The following AFP variants were observed in gnomAD, a reference collection of about 807,000 sequenced individuals.
The protein encoded by AFP is alpha-fetoprotein.
A neutral mutation model predicts 78.9 loss-of-function variants in AFP; 64 were observed. That is an observed-to-expected ratio of 0.81 (90% CI 0.66 to 1.00). The LOEUF (loss-of-function observed/expected upper bound fraction) is 1.00, where lower values mean the gene tolerates loss of function less well. Ranked by LOEUF, AFP falls within the 50% of genes least tolerant of loss-of-function variation. The pLI is 0.00. For missense variants in AFP, 689 were observed against 703.8 expected (o/e 0.98, Z 0.24); for synonymous variants, 254 against 243.8 (o/e 1.04, Z -0.39).
chr4:73,454,813 T>C (rs138620798), intron 13 of AFP, among the ~76,000 whole-genome samples: 3 of 152,098 alleles, frequency 2.0e-5, no homozygotes, highest in African/African-American at 7.2e-5. Context: ...ATAACCAAAT[T>C]AGATAAAACT....
chr4:73,446,770 A>C (rs963605010), intron 7 of AFP, among the ~76,000 whole-genome samples: 1 of 152,254 alleles, frequency 6.6e-6, no homozygotes, highest in African/African-American at 2.4e-5. Flanking sequence ...ATAGAAATAC[A>C]TATAGCAACA....
At chr4:73,455,208 T>C in intron 13 of AFP, 28 bp from the exon 14 acceptor site, 1 of 1,564,520 alleles carries the variant, frequency 6.4e-7, no homozygotes, top group South Asian at 1.1e-5. Context: ...CATTTCTTTA[T>C]CTGATTATGT....
chr4:73,455,412 A>G, intron 14 of AFP, 122 bp downstream of exon 14: 1 of 879,214 alleles, frequency 1.1e-6, no homozygotes, highest in South Asian at 1.5e-5. Flanking sequence ...TTCAAAAAAA[A>G]GTTTATTTTA....
intron 7 of AFP, 30 bp downstream of exon 7, chr4:73,445,152 A>G (rs746897337): frequency 1.2e-6 from 2 of 1,612,156 alleles, no homozygotes; most frequent in Admixed American, 3.3e-5. Context: ...AAAATAGAAG[A>G]TTTTCACTCC....
At chr4:73,445,765 G>A (rs1051741760) in intron 7 of AFP, among the ~76,000 whole-genome samples, 2 of 152,148 alleles carry the variant, frequency 1.3e-5, no homozygotes, top group African/African-American at 2.4e-5. Flanking sequence ...AAGTGGTCTC[G>A]GAGAATTAGA....
Position 73,455,822 on chromosome 4 carries a change from C to A in AFP, c.*202C>A. 1.7e-6 allele frequency: 1 copy of A among 599,498 alleles called. No individual in the cohort carries two copies. Among genetic ancestry groups the A allele is most frequent in the Non-Finnish European group, 2.9e-6 (1 of 342,320 alleles). The allele number at this position is 599,498 out of a possible 1,614,324, so 37.1% of individuals were successfully genotyped here. A position where few individuals can be genotyped will look rare whatever the true frequency, so the allele number is the denominator to read the frequency against. The stretch of plus-strand genomic sequence containing the variant: ...ATTTATGAAAAGTTATCGATAATTT[C>A]TTTAGTTTTGTATACCATTGTCTGA... On this transcript the variant is annotated 3_prime_UTR_variant, in exon 15 of 15. Coordinates refer to ENST00000395792, the MANE Select transcript of AFP (RefSeq NM_001134.3).
At chr4:73,449,193 TTCAAA>T in intron 8 of AFP, 137 bp from the exon 9 acceptor site, 1 of 790,398 alleles carries the variant, frequency 1.3e-6, no homozygotes, top group Non-Finnish European at 2.0e-6. Flanking sequence ...ATTCATATAA[TTCAAA>T]TCATATTTGA....
At position 73,437,256 on chromosome 4, in the gene AFP, G is replaced by T. The variant is rs559905697; in HGVS notation, c.137+45G>T. On this transcript the variant is annotated intron_variant, in intron 2 of 14. Coordinates refer to ENST00000395792, the MANE Select transcript of AFP (RefSeq NM_001134.3). ...ATGTACTTTAAATGTGTAAAGCAAG[G>T]ATAAGTAAATACTTAAATAAAATTG... 14 of 1,489,634 alleles carry T rather than the reference G, an allele frequency of 9.4e-6. No homozygotes were observed. In the African/African-American group the frequency reaches 1.2e-4, roughly 13 times the overall value. The allele number at this position is 1,489,634 out of a possible 1,614,324, so 92.3% of individuals were successfully genotyped here.
chr4:73,455,012 AT>A (rs1480620869), intron 13 of AFP, among the ~76,000 whole-genome samples: 44 of 152,288 alleles, frequency 2.9e-4, no homozygotes, highest in African/African-American at 1.1e-3. Flanking sequence ...GAGAATACGC[AT>A]TGATTTGGAG....
At chr4:73,448,225 GTTTGT>G (rs1274381695) in intron 8 of AFP, among the ~76,000 whole-genome samples, 2 of 152,066 alleles carry the variant, frequency 1.3e-5, no homozygotes, top group African/African-American at 4.8e-5. Flanking sequence ...CAGTACAGTA[GTTTGT>G]TTTAATACAA....
chr4:73,450,831 G>A (rs1719971932), intron 11 of AFP, 78 bp downstream of exon 11: 3 of 1,608,590 alleles, frequency 1.9e-6, no homozygotes, highest in African/African-American at 1.3e-5. Flanking sequence ...CCCCTCTAGG[G>A]AAGACGGTAA....
chr4:73,454,878 A>G (rs1324706186), intron 13 of AFP, among the ~76,000 whole-genome samples: 2 of 152,156 alleles, frequency 1.3e-5, no homozygotes, highest in Non-Finnish European at 2.9e-5. Context: ...AAGAAGATTA[A>G]TGTTCTCTAA....
intron 3 of AFP, among the ~76,000 whole-genome samples, chr4:73,439,820 T>G (rs1719609831): frequency 1.3e-5 from 2 of 152,210 alleles, no homozygotes; most frequent in South Asian, 4.1e-4. Context: ...AATTATTTCA[T>G]TTCAAAATCA....
chr4:73,437,146 A>G lies in AFP; in HGVS notation c.86-14A>G, dbSNP rs761366587. 1 of 1,603,790 alleles carries G rather than the reference A, an allele frequency of 6.2e-7. No individual in the cohort carries two copies. Among genetic ancestry groups the G allele is most frequent in the South Asian group, 1.1e-5 (1 of 90,816 alleles). On this transcript the variant is annotated splice_polypyrimidine_tract_variant and intron_variant, in intron 1 of 14. Coordinates refer to ENST00000395792, the MANE Select transcript of AFP (RefSeq NM_001134.3). ...GTTGAAAACACGTTTCATGAAGTTT[A>G]TTTTGCTTTCCAGCTTCCATATTGG... is the stretch of plus-strand genomic sequence containing the variant.
intron 11 of AFP, among the ~76,000 whole-genome samples, chr4:73,452,160 A>G (rs1720010229): frequency 6.6e-6 from 1 of 152,208 alleles, no homozygotes; most frequent in Admixed American, 6.5e-5. Flanking sequence ...TAGCTAAATG[A>G]CTATCCTCAA....
At chr4:73,439,030 G>A (rs1250376749) in intron 3 of AFP, among the ~76,000 whole-genome samples, 1 of 152,096 alleles carries the variant, frequency 6.6e-6, no homozygotes, top group Non-Finnish European at 1.5e-5. Context: ...TATAACTATA[G>A]TGAATGTAAG....
At chr4:73,445,351 C>G (rs1193364963) in intron 7 of AFP, among the ~76,000 whole-genome samples, 1 of 152,062 alleles carries the variant, frequency 6.6e-6, no homozygotes, top group African/African-American at 2.4e-5. Flanking sequence ...TCATCTATTT[C>G]TTACTTCTAA....
At chr4:73,443,986 A>G (rs1297018700) in intron 6 of AFP, among the ~76,000 whole-genome samples, 1 of 152,162 alleles carries the variant, frequency 6.6e-6, no homozygotes, top group African/African-American at 2.4e-5. Context: ...AGTACTCATC[A>G]ACTCTTTTAT....
At chr4:73,454,278 A>C (rs1227397096) in intron 13 of AFP, among the ~76,000 whole-genome samples, 1 of 152,042 alleles carries the variant, frequency 6.6e-6, no homozygotes, top group African/African-American at 2.4e-5. Context: ...TTAGGAGTCT[A>C]TTTGTAGAAA....
Sources: gnomAD v4.1 joint callset for allele counts (sites outside exome capture counted in the v4.1 genomes callset) on GRCh38, gnomAD v4.1.1 for gene constraint, MANE v1.5 for transcripts, NCBI Gene and HGNC (gene_info 2026-07-23, HGNC 2026-07-21) for gene names.